The following ITGBL1 variants were observed in gnomAD, a reference collection of about 807,000 sequenced individuals.
The protein encoded by ITGBL1 is integrin subunit beta like 1, also known as integrin beta-like protein 1.
In ITGBL1, 51 loss-of-function variants were observed where a neutral mutation model predicts 68.5. That is an observed-to-expected ratio of 0.74 (90% CI 0.59 to 0.94). The LOEUF (loss-of-function observed/expected upper bound fraction) is 0.94, where lower values mean the gene tolerates loss of function less well. Among genes scored for constraint, ITGBL1 ranks in the 40% least tolerant of loss-of-function variants. The probability of loss-of-function intolerance (pLI) is 0.00; values close to 1 mark genes in which losing one functional copy is unlikely to be tolerated. For missense variants in ITGBL1, 649 were observed against 647.4 expected (o/e 1.00, Z -0.03); for synonymous variants, 209 against 227.3 (o/e 0.92, Z 0.72).
intron 2 of ITGBL1, among the ~76,000 whole-genome samples, chr13:101,531,908 A>AT (rs1227484137): frequency 2.0e-5 from 3 of 150,566 alleles, no homozygotes; most frequent in Non-Finnish European, 3.0e-5. Flanking sequence ...AATTTTTTTT[A>AT]TTTTTTTGGT....
At chr13:101,514,788 A>G (rs115515500) in intron 2 of ITGBL1, among the ~76,000 whole-genome samples, 149 of 152,198 alleles carry the variant, frequency 9.8e-4, no homozygotes, top group African/African-American at 3.4e-3. Flanking sequence ...TGGGTGTGGT[A>G]TGTGTGTACC....
Position 101,567,795 on chromosome 13 carries a change from A to G in ITGBL1, c.413A>G (p.Lys138Arg). The G allele has an allele frequency of 6.2e-7, 1 of 1,613,394 alleles. No individual in the cohort carries two copies. The highest frequency in any genetic ancestry group is 1.3e-5 in the African/African-American group (1 of 74,988). The change falls in exon 3 of 11, where the codon AAA (lysine) becomes AGA (arginine). Residue 138 changes from lysine to arginine, a missense_variant. Lys to Arg is a conservative substitution (Grantham distance 26). Transcript: ENST00000376180. ...YPTNCDLTKKKSNQMCKNSQD... is the reference protein window; with the variant it reads ...YPTNCDLTKKRSNQMCKNSQD... The stretch of plus-strand genomic sequence containing the variant: ...ACTAACTGTGACTTGACAAAGAAGA[A>G]AAGTAACCAAATGTGCAAGAATTCA...
rs2048561828 is a variant in ITGBL1, at chr13:101,478,017, AC to A, written c.316+23918del. Among the ~76,000 whole-genome samples the A allele has an allele frequency of 2.6e-5, 4 of 152,200 alleles. 1 individual carries two copies. The highest frequency in any genetic ancestry group is 1.9e-4 in the East Asian group (1 of 5,188). ...AATATTACCCTGATACCAAAACCAG[AC>A]AAAAACACATCAAAGTAAGAAAACT... On this transcript the variant is annotated intron_variant, in intron 2 of 10. Transcript: ENST00000376180.
intron 1 of ITGBL1, among the ~76,000 whole-genome samples, chr13:101,453,268 G>T (rs951568495): frequency 6.6e-6 from 1 of 152,164 alleles, no homozygotes; most frequent in South Asian, 2.1e-4. Flanking sequence ...TTTCCCAAGG[G>T]CAGCAACAGG....
intron 7 of ITGBL1, among the ~76,000 whole-genome samples, chr13:101,652,211 G>C (rs2032776301): frequency 6.6e-6 from 1 of 152,084 alleles, no homozygotes; most frequent in Non-Finnish European, 1.5e-5. Flanking sequence ...GTGCATTCAT[G>C]GCTCACTGCA....
intron 3 of ITGBL1, among the ~76,000 whole-genome samples, chr13:101,571,703 T>G (rs918715450): frequency 6.6e-6 from 1 of 152,158 alleles, no homozygotes; most frequent in African/African-American, 2.4e-5. Context: ...TAGACATATT[T>G]GTGTGTTATT....
chr13:101,497,455 A>G (rs2048873019), intron 2 of ITGBL1, among the ~76,000 whole-genome samples: 1 of 152,188 alleles, frequency 6.6e-6, no homozygotes, highest in Admixed American at 6.5e-5. Flanking sequence ...CACAGTCCGT[A>G]TGCCATCCTC....
At chr13:101,569,182 T>G (rs2139255566) in intron 3 of ITGBL1, among the ~76,000 whole-genome samples, 1 of 152,280 alleles carries the variant, frequency 6.6e-6, no homozygotes, top group East Asian at 1.9e-4. Context: ...CTTTTCAAAC[T>G]TGTTTCAGTA....
intron 8 of ITGBL1, among the ~76,000 whole-genome samples, chr13:101,698,757 T>C (rs1020027): frequency 0.21 from 31,206 of 152,178 alleles, 3,454 homozygotes; most frequent in Middle Eastern, 0.29. Flanking sequence ...ACAAGTGAAA[T>C]ATATTCACAT....
At chr13:101,682,211 A>C (rs760315233) in intron 7 of ITGBL1, among the ~76,000 whole-genome samples, 1 of 152,196 alleles carries the variant, frequency 6.6e-6, no homozygotes, top group Non-Finnish European at 1.5e-5. Flanking sequence ...TGAAACTACT[A>C]AAGTTTTAAT....
At chr13:101,639,682 G>A (rs922362217) in intron 7 of ITGBL1, among the ~76,000 whole-genome samples, 7 of 152,010 alleles carry the variant, frequency 4.6e-5, no homozygotes, top group East Asian at 1.9e-4. Flanking sequence ...ATTACACACC[G>A]TCTTGTGTGT....
At chr13:101,697,904 C>T (rs1354870835) in intron 8 of ITGBL1, among the ~76,000 whole-genome samples, 2 of 152,148 alleles carry the variant, frequency 1.3e-5, no homozygotes, top group African/African-American at 4.8e-5. Flanking sequence ...AGCTGCAGAG[C>T]GTTTTGCAAG....
chr13:101,709,143 A>G (rs1360656891), intron 9 of ITGBL1, among the ~76,000 whole-genome samples: 2 of 151,906 alleles, frequency 1.3e-5, no homozygotes, highest in Non-Finnish European at 2.9e-5. Context: ...AGGCGGGTGG[A>G]TCATGAGGTC....
At chr13:101,602,551 C>T (rs369017052) in intron 7 of ITGBL1, among the ~76,000 whole-genome samples, 41 of 151,900 alleles carry the variant, frequency 2.7e-4, no homozygotes, top group African/African-American at 8.9e-4. Context: ...TTTTATGTTG[C>T]GTTTTTCTTT....
chr13:101,560,526 A>C (rs1263300333), intron 2 of ITGBL1, among the ~76,000 whole-genome samples: 1 of 152,224 alleles, frequency 6.6e-6, no homozygotes, highest in African/African-American at 2.4e-5. Flanking sequence ...ATTAACAATC[A>C]GATTTTTAAA....
At position 101,555,144 on chromosome 13, in the gene ITGBL1, C is replaced by T. The variant is rs559475529; in HGVS notation, c.317-12555C>T. ...AGTGACAATATTAATATTGTGTGTT[C>T]ATCACCCAGCTTAAAAAATAGAATT... is the stretch of plus-strand genomic sequence containing the variant. On this transcript the variant is annotated intron_variant, in intron 2 of 10. Coordinates refer to ENST00000376180, the MANE Select transcript of ITGBL1 (RefSeq NM_004791.3). 2.0e-5 allele frequency among the ~76,000 whole-genome samples: 3 copies of T among 152,150 alleles called. No individual in the cohort carries two copies. In the South Asian group the frequency reaches 6.2e-4, roughly 32 times the overall value.
intron 2 of ITGBL1, among the ~76,000 whole-genome samples, chr13:101,530,899 C>T (rs1042933291): frequency 1.3e-5 from 2 of 152,064 alleles, no homozygotes; most frequent in African/African-American, 4.8e-5. Context: ...AAGGGCAAAC[C>T]ACATTTACTT....
intron 4 of ITGBL1, among the ~76,000 whole-genome samples, chr13:101,576,259 T>C (rs1348309411): frequency 6.6e-6 from 1 of 152,156 alleles, no homozygotes; most frequent in Non-Finnish European, 1.5e-5. Flanking sequence ...GGCTCGTGTC[T>C]GTGTGATGCC....
At chr13:101,470,975 A>G (rs61973748) in intron 2 of ITGBL1, among the ~76,000 whole-genome samples, 4,100 of 152,306 alleles carry the variant, frequency 0.027, 77 homozygotes, top group Non-Finnish European at 0.042. Flanking sequence ...GTTTAAGATC[A>G]CATGTTGTCT....
Sources: gnomAD v4.1 joint callset for allele counts (sites outside exome capture counted in the v4.1 genomes callset) on GRCh38, gnomAD v4.1.1 for gene constraint, MANE v1.5 for transcripts, NCBI Gene and HGNC (gene_info 2026-07-23, HGNC 2026-07-21) for gene names.